ZNF827: variants seen among roughly 807,000 people sequenced by gnomAD.
ZNF827 encodes zinc finger protein 827.
A neutral mutation model predicts 102.4 loss-of-function variants in ZNF827; 13 were observed. That is an observed-to-expected ratio of 0.13 (90% CI 0.08 to 0.20). ZNF827 has a LOEUF of 0.20. ZNF827 is among the 10% of genes least tolerant of loss of function. The probability of loss-of-function intolerance (pLI) is 1.00; values close to 1 mark genes in which losing one functional copy is unlikely to be tolerated. For missense variants in ZNF827, 1,103 were observed against 1,344.4 expected, an observed-to-expected ratio of 0.82 and a Z score of 2.81; for synonymous variants, 523 against 536.2, an observed-to-expected ratio of 0.98 and a Z score of 0.34.
chr4:145,836,807 C>T (rs1376048280), intron 7 of ZNF827, among the ~76,000 whole-genome samples: 1 of 151,980 alleles, frequency 6.6e-6, no homozygotes, highest in Non-Finnish European at 1.5e-5. Flanking sequence ...ACTAGCCCGC[C>T]TCTTAGAACC....
At chr4:145,848,921 C>T (rs1253090362) in intron 6 of ZNF827, among the ~76,000 whole-genome samples, 3 of 152,094 alleles carry the variant, frequency 2.0e-5, no homozygotes, top group Non-Finnish European at 4.4e-5. Context: ...TTAATTCAGA[C>T]CACACTAATT....
Position 145,848,311 on chromosome 4 carries a change from C to T in ZNF827, c.2221+1011G>A, listed in dbSNP as rs546060062. ...CCATCCCTGTTTGAGGACCTGGAGGCCACCATTTTCAGCACCATCTGATAA... is the reference window on the plus strand; with the variant it reads ...CCATCCCTGTTTGAGGACCTGGAGGTCACCATTTTCAGCACCATCTGATAA... On this transcript the variant is annotated intron_variant, in intron 6 of 14. Transcript: ENST00000508784. Among the ~76,000 whole-genome samples the T allele has an allele frequency of 2.1e-3, 318 of 152,286 alleles. 4 individuals are homozygous for T. Among genetic ancestry groups the T allele is most frequent in the African/African-American group, 6.6e-3 (276 of 41,556 alleles).
At chr4:145,906,549 C>G (rs941506066) in intron 1 of ZNF827, among the ~76,000 whole-genome samples, 3 of 152,134 alleles carry the variant, frequency 2.0e-5, no homozygotes, top group South Asian at 2.1e-4. Flanking sequence ...AGAATATTCC[C>G]CCTCCAAACG....
chr4:145,786,408 AATAACTGTTCAG>A (rs1399817432), intron 8 of ZNF827, among the ~76,000 whole-genome samples: 2 of 152,220 alleles, frequency 1.3e-5, no homozygotes, highest in African/African-American at 4.8e-5. Context: ...TCAATGCATA[AATAACTGTTCAG>A]ATCAACTAAA....
intron 4 of ZNF827, among the ~76,000 whole-genome samples, chr4:145,878,104 T>C (rs1464768641): frequency 6.6e-6 from 1 of 152,248 alleles, no homozygotes; most frequent in African/African-American, 2.4e-5. Flanking sequence ...GCTGACATTC[T>C]TATTTACAGA....
Position 145,760,840 on chromosome 4 carries a change from G to A in ZNF827, c.*776C>T. ...GGCCAGGAAGGAGTGTTTGGGTGAG[G>A]GGATGCTGGGAGGCGCAGTCTGAGG... On this transcript the variant is annotated 3_prime_UTR_variant, in exon 15 of 15. Transcript: ENST00000508784. 1 of 1,206,642 alleles carries A rather than the reference G, an allele frequency of 8.3e-7. No individual in the cohort carries two copies. Among genetic ancestry groups the A allele is most frequent in the Non-Finnish European group, 1.1e-6 (1 of 949,400 alleles). 74.7% of individuals were successfully genotyped at this position (1,206,642 alleles called of 1,614,324 possible).
intron 5 of ZNF827, among the ~76,000 whole-genome samples, chr4:145,864,076 C>T (rs1431418377): frequency 6.6e-6 from 1 of 151,882 alleles, no homozygotes; most frequent in East Asian, 1.9e-4. Context: ...CACCTGTAAT[C>T]CCAGCTGCTC....
chr4:145,937,206 A>G (rs933843700), intron 1 of ZNF827, among the ~76,000 whole-genome samples: 1 of 149,702 alleles, frequency 6.7e-6, no homozygotes, highest in Non-Finnish European at 1.5e-5. Context: ...AGCCGGAGGG[A>G]GGGCGGAGAG....
At chr4:145,885,385 TC>T (rs982532320) in intron 4 of ZNF827, among the ~76,000 whole-genome samples, 3 of 151,994 alleles carry the variant, frequency 2.0e-5, no homozygotes, top group Non-Finnish European at 4.4e-5. Context: ...ATGTGACCAT[TC>T]CCCCCTACAG....
At chr4:145,892,035 TTCTC>T (rs899967486) in intron 3 of ZNF827, among the ~76,000 whole-genome samples, 3 of 152,188 alleles carry the variant, frequency 2.0e-5, no homozygotes, top group Non-Finnish European at 4.4e-5. Context: ...ATATCGAAGG[TTCTC>T]TCTCTCTGCC....
At chr4:145,814,084 C>A (rs1028660992) in intron 8 of ZNF827, among the ~76,000 whole-genome samples, 2 of 152,166 alleles carry the variant, frequency 1.3e-5, no homozygotes, top group Non-Finnish European at 2.9e-5. Context: ...GAATTCGAAG[C>A]TTTTTGAGCA....
intron 8 of ZNF827, among the ~76,000 whole-genome samples, chr4:145,805,395 C>T (rs1340841439): frequency 2.0e-5 from 3 of 151,960 alleles, no homozygotes; most frequent in African/African-American, 7.3e-5. Flanking sequence ...CAAATTTCAA[C>T]CAAATGTAAC....
At chr4:145,884,464 A>G (rs1476835231) in intron 4 of ZNF827, among the ~76,000 whole-genome samples, 1 of 152,218 alleles carries the variant, frequency 6.6e-6, no homozygotes, top group Non-Finnish European at 1.5e-5. Context: ...GTCAATCTCC[A>G]AAGAGCTGAC....
At chr4:145,866,101 C>A (rs1748165442) in intron 5 of ZNF827, among the ~76,000 whole-genome samples, 1 of 152,166 alleles carries the variant, frequency 6.6e-6, no homozygotes, top group African/African-American at 2.4e-5. Context: ...GGGCCTCCAG[C>A]CTCTGGCTGC....
intron 8 of ZNF827, among the ~76,000 whole-genome samples, chr4:145,810,571 C>T (rs1024206672): frequency 3.3e-5 from 5 of 152,226 alleles, no homozygotes; most frequent in Non-Finnish European, 5.9e-5. Flanking sequence ...TCACCAGTCA[C>T]AGTTTAAGAA....
intron 7 of ZNF827, among the ~76,000 whole-genome samples, chr4:145,841,918 TAA>T (rs538146718): frequency 1.4e-5 from 2 of 142,614 alleles, no homozygotes; most frequent in Admixed American, 7.1e-5. Context: ...GTTCTTAGGA[TAA>T]AAAAAAAAAA....
intron 2 of ZNF827, among the ~76,000 whole-genome samples, chr4:145,898,798 C>A (rs1235117438): frequency 6.6e-6 from 1 of 152,122 alleles, no homozygotes; most frequent in East Asian, 1.9e-4. Flanking sequence ...TAAGGCCAAA[C>A]CTAAAAGACA....
intron 5 of ZNF827, among the ~76,000 whole-genome samples, chr4:145,854,942 A>T (rs1402480115): frequency 6.6e-6 from 1 of 152,162 alleles, no homozygotes. Context: ...GGGAGTGCTT[A>T]GTTCTTGTTC....
chr4:145,808,482 A>C (rs1011341263), intron 8 of ZNF827, among the ~76,000 whole-genome samples: 10 of 152,300 alleles, frequency 6.6e-5, no homozygotes, highest in Non-Finnish European at 1.3e-4. Flanking sequence ...ATTCCTAGAT[A>C]CTTAGGGCGG....
Sources: gnomAD v4.1 joint callset for allele counts (sites outside exome capture counted in the v4.1 genomes callset) on GRCh38, gnomAD v4.1.1 for gene constraint, MANE v1.5 for transcripts, NCBI Gene and HGNC (gene_info 2026-07-23, HGNC 2026-07-21) for gene names.